Variants in RFX7 observed in about 807,000 individuals in gnomAD.
The protein encoded by RFX7 is regulatory factor X7, also known as DNA-binding protein RFX7.
Under a neutral mutation model 111.8 loss-of-function variants are expected in RFX7, and 26 were observed. The ratio of observed to expected loss-of-function variants is 0.23; its 90% CI spans 0.17 to 0.32. The LOEUF (loss-of-function observed/expected upper bound fraction) is 0.32, where lower values mean the gene tolerates loss of function less well. RFX7 is among the 10% of genes least tolerant of loss of function. RFX7 has a pLI of 1.00. For missense variants in RFX7, 1,573 were observed against 1,772.9 expected (o/e 0.89, Z 2.02); for synonymous variants, 624 against 624.4 (o/e 1.00, Z 0.01).
intron 8 of RFX7, among the ~76,000 whole-genome samples, 188 bp from the exon 9 acceptor site, chr15:56,098,564 T>A (rs1353233230): frequency 6.6e-6 from 1 of 152,236 alleles, no homozygotes. Context: ...AGTTTTGTCA[T>A]CTTACAATAT....
intron 3 of RFX7, among the ~76,000 whole-genome samples, chr15:56,162,087 A>G (rs904034111): frequency 6.6e-6 from 1 of 152,066 alleles, no homozygotes; most frequent in African/African-American, 2.4e-5. Flanking sequence ...AGCAAGAAGG[A>G]TAAGGTTTAG....
At chr15:56,110,328 T>A (rs1416532591) in intron 5 of RFX7, among the ~76,000 whole-genome samples, 1 of 23,092 alleles carries the variant, frequency 4.3e-5, no homozygotes, top group Admixed American at 6.1e-4. Context: ...GGGGGGGGGG[T>A]CAGCCCCCCG....
At chr15:56,114,919 G>T (rs1307570290) in intron 5 of RFX7, among the ~76,000 whole-genome samples, 1 of 152,174 alleles carries the variant, frequency 6.6e-6, no homozygotes, top group African/African-American at 2.4e-5. Context: ...AAAGAAATTT[G>T]TGTCTTTACT....
intron 2 of RFX7, among the ~76,000 whole-genome samples, chr15:56,204,861 G>A (rs778845146): frequency 9.2e-5 from 14 of 152,104 alleles, no homozygotes; most frequent in African/African-American, 7.2e-5. Flanking sequence ...CAAACTAGGC[G>A]TGCTCAATAA....
intron 2 of RFX7, among the ~76,000 whole-genome samples, chr15:56,200,922 A>T (rs1261166289): frequency 6.6e-6 from 1 of 152,142 alleles, no homozygotes; most frequent in Admixed American, 6.5e-5. Context: ...CATGCTATGT[A>T]TGTACAAGTC....
chr15:56,127,229 A>C (rs2042155410), intron 5 of RFX7, among the ~76,000 whole-genome samples: 4 of 152,094 alleles, frequency 2.6e-5, no homozygotes. Context: ...TTCCTACATA[A>C]TCAATGGATC....
chr15:56,243,035 C>T (rs2141253887), intron 2 of RFX7, 90 bp downstream of exon 2: 2 of 716,022 alleles, frequency 2.8e-6, no homozygotes, highest in Non-Finnish European at 4.4e-6. Flanking sequence ...TCAGCCTCCT[C>T]CTCCGCTCCC....
intron 3 of RFX7, among the ~76,000 whole-genome samples, chr15:56,151,665 A>C (rs185398389): frequency 2.1e-4 from 32 of 152,374 alleles, no homozygotes; most frequent in African/African-American, 7.7e-4. Context: ...TGGGCAAAAC[A>C]ACCAGATAGC....
Position 56,141,744 on chromosome 15 carries a change from G to T in RFX7, c.401+1034C>A, listed in dbSNP as rs555720517. Among the ~76,000 whole-genome samples, 76 of 144,548 alleles carry T rather than the reference G, an allele frequency of 5.3e-4. 1 individual carries two copies. The highest frequency in any genetic ancestry group is 3.7e-3 in the South Asian group (17 of 4,576). 94.8% of individuals were successfully genotyped at this position (144,548 alleles called of 152,430 possible). ...TTGTATCCTGAGAACTTATCACAGG[G>T]TCTGGCATATAGGTATTCAATGGAT... On this transcript the variant is annotated intron_variant, in intron 5 of 9. Coordinates refer to ENST00000559447, the MANE Select transcript of RFX7 (RefSeq NM_022841.7).
rs140150469 is a variant in RFX7, at chr15:56,162,698, A to T, written c.195+16572T>A. 1.8e-3 allele frequency among the ~76,000 whole-genome samples: 275 copies of T among 152,180 alleles called. 2 individuals are homozygous for T. Among genetic ancestry groups the T allele is most frequent in the African/African-American group, 6.2e-3 (259 of 41,544 alleles). ...TCACATACTAAAGGAGGATACAATA[A>T]CTCAAGTGTTTAATGTAAAAAAAGG... On this transcript the variant is annotated intron_variant, in intron 3 of 9. Coordinates refer to ENST00000559447, the MANE Select transcript of RFX7 (RefSeq NM_022841.7).
intron 2 of RFX7, among the ~76,000 whole-genome samples, chr15:56,195,243 G>A (rs1426115643): frequency 6.6e-6 from 1 of 152,040 alleles, no homozygotes; most frequent in Non-Finnish European, 1.5e-5. Context: ...TGAGTGGTTG[G>A]TTGGGGTTGC....
In RFX7 at chr15:56,093,232, C is replaced by T. The variant is rs1019968420; in HGVS notation, c.*113G>A. ...CTGAAGAAACCACTTCTGCAGCAAA[C>T]GCTTTTAAAATGTCACAATTAATAG... On this transcript the variant is annotated 3_prime_UTR_variant, in exon 10 of 10. Transcript: ENST00000559447. The T allele has an allele frequency of 1.7e-5, 17 of 980,184 alleles. No individual in the cohort carries two copies. The highest frequency in any genetic ancestry group is 2.3e-5 in the Non-Finnish European group (16 of 687,782). The allele number at this position is 980,184 out of a possible 1,614,324, so 60.7% of individuals were successfully genotyped here. A position where few individuals can be genotyped will look rare whatever the true frequency, so the allele number is the denominator to read the frequency against.
At chr15:56,113,203 G>A (rs1354292066) in intron 5 of RFX7, among the ~76,000 whole-genome samples, 2 of 152,180 alleles carry the variant, frequency 1.3e-5, no homozygotes, top group African/African-American at 4.8e-5. Context: ...ACATGCAAAT[G>A]TATGTTTACT....
intron 3 of RFX7, among the ~76,000 whole-genome samples, chr15:56,146,722 G>T (rs1424732601): frequency 1.3e-5 from 2 of 152,142 alleles, no homozygotes; most frequent in Admixed American, 1.3e-4. Flanking sequence ...TAAAGTCAGT[G>T]TCCTAATTTT....
rs1311551556 is a variant in RFX7 at position 56,094,017 on chromosome 15, T to G, written c.3711A>C (p.Pro1237=). 6.2e-7 allele frequency: 1 copy of G among 1,613,950 alleles called. No homozygotes were observed. Among genetic ancestry groups the G allele is most frequent in the East Asian group, 2.2e-5 (1 of 44,884 alleles). The change falls in exon 10 of 10, where the codon CCA becomes CCC. Residue 1237 remains proline, a synonymous_variant. Transcript: ENST00000559447. ...PLTVMMQTAF[P]NALQKQANSK... is the part of the protein sequence containing the mutation. Reference sequence around the variant, plus strand: ...TGTTTGCTTGCTTCTGAAGAGCGTTTGGGAAGGCTGTCTGCATCATGACTG... The same window carrying G: ...TGTTTGCTTGCTTCTGAAGAGCGTTGGGGAAGGCTGTCTGCATCATGACTG...
intron 5 of RFX7, among the ~76,000 whole-genome samples, chr15:56,131,215 C>T (rs1189602175): frequency 6.7e-6 from 1 of 149,414 alleles, no homozygotes; most frequent in Non-Finnish European, 1.5e-5. Context: ...TACAAGATAA[C>T]ACGTCTTGAC....
At chr15:56,142,439 C>T (rs920669880) in intron 5 of RFX7, among the ~76,000 whole-genome samples, 15 of 152,110 alleles carry the variant, frequency 9.9e-5, no homozygotes, top group African/African-American at 3.6e-4. Context: ...TATTTATTGC[C>T]TTCCACTCTC....
chr15:56,137,223 C>T (rs569790927), intron 5 of RFX7, among the ~76,000 whole-genome samples: 5 of 151,996 alleles, frequency 3.3e-5, no homozygotes, highest in East Asian at 1.9e-4. Context: ...TGGTAGAATT[C>T]GGCTGTGCAT....
intron 2 of RFX7, among the ~76,000 whole-genome samples, chr15:56,235,583 C>T (rs576787568): frequency 6.6e-6 from 1 of 152,262 alleles, no homozygotes; most frequent in South Asian, 2.1e-4. Context: ...AAGACAATAG[C>T]CCTAGTGACT....
Sources: allele counts gnomAD v4.1 joint callset (sites outside exome capture counted in the v4.1 genomes callset), GRCh38; gene constraint gnomAD v4.1.1; transcripts MANE v1.5; gene names NCBI Gene and HGNC (gene_info 2026-07-23, HGNC 2026-07-21).